The following NOL11 variants were observed in gnomAD, a reference collection of about 807,000 sequenced individuals.
The protein encoded by NOL11 is nucleolar protein 11.
A neutral mutation model predicts 93.0 loss-of-function variants in NOL11; 42 were observed. The observed-to-expected ratio is 0.45, with a 90% CI of 0.35 to 0.58. NOL11 has a LOEUF of 0.58. NOL11 is among the 20% of genes least tolerant of loss of function. The probability of loss-of-function intolerance (pLI) is 0.00; values close to 1 mark genes in which losing one functional copy is unlikely to be tolerated. For synonymous variants in NOL11, 296 were observed against 293.7 expected (o/e 1.01, Z -0.08); for missense variants, 775 against 841.8 (o/e 0.92, Z 0.98).
chr17:67,722,555 A>G, intron 4 of NOL11, 25 bp from the exon 5 acceptor site: 4 of 1,561,798 alleles, frequency 2.6e-6, no homozygotes, highest in Non-Finnish European at 3.4e-6. Flanking sequence ...GCATCCTATA[A>G]TTTTTCTTTT....
intron 16 of NOL11, 91 bp downstream of exon 16, chr17:67,739,699 C>T (rs2055237387): frequency 1.3e-6 from 1 of 762,394 alleles, no homozygotes; most frequent in African/African-American, 1.8e-5. Flanking sequence ...CAAGAGCTGA[C>T]TTCTTGTTTC....
chr17:67,726,347 T>A, intron 6 of NOL11, 113 bp from the exon 7 acceptor site: 1 of 754,774 alleles, frequency 1.3e-6, no homozygotes. Flanking sequence ...TTTATTTTTC[T>A]GGTTGGCTGT....
chr17:67,736,641 A>T, intron 9 of NOL11, 25 bp from the exon 10 acceptor site: 1 of 1,488,204 alleles, frequency 6.7e-7, no homozygotes, highest in South Asian at 1.2e-5. Flanking sequence ...ACATTCCAGA[A>T]ATTGTGCATT....
chr17:67,726,616 C>T lies in NOL11; in HGVS notation c.821C>T (p.Ala274Val). The part of the protein sequence containing the change: ...ALTALDQDHV[A>V]VLGSPLAASK... ...ACTGCCCTGGATCAGGATCACGTCG[C>T]AGTCCTAGGAAGTCCACTAGCAGCT... The change falls in exon 7 of 18, where the codon GCA (alanine) becomes GTA (valine). Residue 274 changes from alanine (A) to valine (V), a missense_variant. Ala to Val is a moderately conservative substitution (Grantham distance 64). Around this residue, in one of 2 missense-constraint regions of NOL11, gnomAD observed 416 missense variants for 525.2 expected, o/e 0.79. Coordinates refer to ENST00000253247, the MANE Select transcript of NOL11 (RefSeq NM_015462.5). 6.2e-7 allele frequency: 1 copy of T among 1,613,044 alleles called. No individual in the cohort carries two copies.
At chr17:67,739,650 C>A in intron 16 of NOL11, 42 bp downstream of exon 16, 1 of 1,311,284 alleles carries the variant, frequency 7.6e-7, no homozygotes, top group Non-Finnish European at 1.1e-6. Flanking sequence ...TGGGAAAAAT[C>A]TGTGAAAAAA....
chr17:67,740,254 A>G (rs1304518025), intron 16 of NOL11, among the ~76,000 whole-genome samples: 2 of 151,728 alleles, frequency 1.3e-5, no homozygotes, highest in Non-Finnish European at 2.9e-5. Context: ...AGCGGGGGGA[A>G]TAAGAGAATA....
chr17:67,727,999 G>A (rs1409028648), intron 7 of NOL11, among the ~76,000 whole-genome samples: 3 of 151,278 alleles, frequency 2.0e-5, no homozygotes, highest in Non-Finnish European at 4.4e-5. Context: ...AGTAGCTCAT[G>A]CCTGTAATCC....
chr17:67,743,149 C>T (rs2055270923), intron 16 of NOL11, among the ~76,000 whole-genome samples: 1 of 152,092 alleles, frequency 6.6e-6, no homozygotes, highest in South Asian at 2.1e-4. Context: ...ATTGCAGCTA[C>T]TCTGGGAGGT....
At chr17:67,732,579 AT>A (rs2055163902) in intron 7 of NOL11, among the ~76,000 whole-genome samples, 1 of 151,542 alleles carries the variant, frequency 6.6e-6, no homozygotes, top group Non-Finnish European at 1.5e-5. Flanking sequence ...TTTTAAAAAA[AT>A]GTTTTATTTT....
At chr17:67,738,899 T>C in intron 14 of NOL11, 33 bp from the exon 15 acceptor site, 2 of 1,374,198 alleles carry the variant, frequency 1.5e-6, no homozygotes, top group Middle Eastern at 3.7e-4. Context: ...ATAGCTTCTA[T>C]TTGTTGAAGT....
intron 7 of NOL11, among the ~76,000 whole-genome samples, chr17:67,731,248 A>C (rs2055151698): frequency 3.1e-5 from 1 of 32,466 alleles, no homozygotes. Flanking sequence ...TTCGTGCACA[A>C]AAGTTTTTTT....
intron 7 of NOL11, among the ~76,000 whole-genome samples, chr17:67,733,999 C>T (rs538848925): frequency 3.9e-5 from 6 of 152,022 alleles, no homozygotes; most frequent in Admixed American, 6.6e-5. Context: ...CAACCAAAAG[C>T]CCAAATGAGT....
At chr17:67,728,642 A>G (rs975188802) in intron 7 of NOL11, among the ~76,000 whole-genome samples, 2 of 152,014 alleles carry the variant, frequency 1.3e-5, no homozygotes, top group African/African-American at 4.8e-5. Context: ...TTTGGTCCAT[A>G]TACAAGCAAA....
intron 9 of NOL11, 70 bp from the exon 10 acceptor site, chr17:67,736,596 C>A: frequency 1.2e-5 from 11 of 921,334 alleles, no homozygotes; most frequent in East Asian, 2.7e-5. Context: ...TTAAATTGTT[C>A]TTTGATTGTT....
chr17:67,724,332 CTTT>C (rs34287872), intron 6 of NOL11, 139 bp downstream of exon 6: 5,103 of 248,008 alleles, frequency 0.021, no homozygotes, highest in South Asian at 0.034. Flanking sequence ...CATGCCTTCA[CTTT>C]TTTTTTTTTT....
At position 67,719,524 on chromosome 17, in the gene NOL11, G is replaced by A. The variant is rs546648814; in HGVS notation, c.142-150G>A. On this transcript the variant is annotated intron_variant, in intron 1 of 17. Coordinates refer to ENST00000253247, the MANE Select transcript of NOL11 (RefSeq NM_015462.5). ...TTTGCCCACCTTGACCTCTCAAAAT[G>A]CTGGGATTACAGGCGTGAGCCACTG... 2.4e-3 allele frequency: 1,186 copies of A among 485,164 alleles called. 2 individuals carry two copies. The highest frequency in any genetic ancestry group is 3.4e-3 in the Non-Finnish European group (919 of 266,568). The allele number at this position is 485,164 out of a possible 1,614,324, so 30.1% of individuals were successfully genotyped here. A position where few individuals can be genotyped will look rare whatever the true frequency, so the allele number is the denominator to read the frequency against.
At chr17:67,720,581 A>G (rs2110110) in intron 3 of NOL11, 134,760 of 152,320 alleles carry the variant, frequency 0.88, 59,662 homozygotes, top group East Asian at 0.95. Context: ...GATTACAGGC[A>G]TGAGCCACTG....
chr17:67,726,767 C>A (rs1178477611), intron 7 of NOL11, 119 bp downstream of exon 7: 4 of 735,486 alleles, frequency 5.4e-6, no homozygotes, highest in Non-Finnish European at 4.0e-6. Context: ...TCTTTATCAG[C>A]ATACTCAATT....
intron 7 of NOL11, among the ~76,000 whole-genome samples, chr17:67,730,347 G>A (rs1045234710): frequency 6.6e-5 from 10 of 152,108 alleles, no homozygotes; most frequent in African/African-American, 2.4e-4. Flanking sequence ...TGCAAGCTCC[G>A]CCTCTCGGGT....
Sources: allele counts gnomAD v4.1 joint callset (sites outside exome capture counted in the v4.1 genomes callset), GRCh38; gene constraint gnomAD v4.1.1; regional missense constraint gnomAD v4.1.1; transcripts MANE v1.5; gene names NCBI Gene and HGNC (gene_info 2026-07-23, HGNC 2026-07-21).